TRAF3IP3: variants seen among roughly 807,000 people sequenced by gnomAD.
The protein encoded by TRAF3IP3 is TRAF3-interacting JNK-activating modulator.
In TRAF3IP3, 64 loss-of-function variants were observed where a neutral mutation model predicts 86.5. The observed-to-expected ratio is 0.74, with a 90% confidence interval of 0.60 to 0.91. The LOEUF (loss-of-function observed/expected upper bound fraction) is 0.91, where lower values mean the gene tolerates loss of function less well. Ranked by LOEUF, TRAF3IP3 falls within the 40% of genes least tolerant of loss-of-function variation. The pLI, the probability that TRAF3IP3 is intolerant of heterozygous loss-of-function variation, is 0.00. For missense variants in TRAF3IP3, 579 were observed against 642.9 expected, an observed-to-expected ratio of 0.90 and a Z score of 1.07; for synonymous variants, 220 against 243.9, an observed-to-expected ratio of 0.90 and a Z score of 0.91.
intron 8 of TRAF3IP3, among the ~76,000 whole-genome samples, chr1:209,771,704 T>G (rs2077535467): frequency 7.3e-6 from 1 of 136,720 alleles, no homozygotes; most frequent in African/African-American, 2.8e-5. Context: ...CAGGTGGAGG[T>G]GTATGTGTGC....
intron 7 of TRAF3IP3, 41 bp from the exon 8 acceptor site, chr1:209,763,451 G>A (rs376499875): frequency 2.5e-6 from 4 of 1,613,254 alleles, no homozygotes; most frequent in Middle Eastern, 3.3e-4. Flanking sequence ...CGATCCTCCA[G>A]GTTAATCTTA....
At chr1:209,771,478 T>C (rs1463330424) in intron 8 of TRAF3IP3, among the ~76,000 whole-genome samples, 3 of 140,788 alleles carry the variant, frequency 2.1e-5, no homozygotes, top group Non-Finnish European at 4.6e-5. Context: ...CGTGTGCATA[T>C]GGAGGTGTGC....
intron 8 of TRAF3IP3, among the ~76,000 whole-genome samples, chr1:209,767,691 G>C (rs1050700512): frequency 1.3e-5 from 2 of 151,728 alleles, no homozygotes; most frequent in African/African-American, 4.8e-5. Context: ...AAAAAAAGAG[G>C]GGGGAGGGTT....
chr1:209,766,414 G>A (rs141101214), intron 8 of TRAF3IP3, among the ~76,000 whole-genome samples: 129 of 152,346 alleles, frequency 8.5e-4, no homozygotes, highest in African/African-American at 3.0e-3. Flanking sequence ...TAACTCTTGA[G>A]GAGCTCACAG....
chr1:209,773,766 G>C (rs1429142514), intron 9 of TRAF3IP3, among the ~76,000 whole-genome samples: 1 of 152,172 alleles, frequency 6.6e-6, no homozygotes, highest in East Asian at 1.9e-4. Flanking sequence ...CATTTTTTCA[G>C]TATAACTTGC....
intron 8 of TRAF3IP3, among the ~76,000 whole-genome samples, chr1:209,772,473 GAT>G (rs1407624948): frequency 6.6e-6 from 1 of 152,152 alleles, no homozygotes; most frequent in Admixed American, 6.5e-5. Flanking sequence ...ATGTTGAGGA[GAT>G]ATAAATGAGC....
intron 15 of TRAF3IP3, chr1:209,780,819 G>C (rs1312681421): frequency 2.9e-5 from 10 of 347,274 alleles, no homozygotes; most frequent in Middle Eastern, 7.8e-4. Flanking sequence ...TTTATTAAAT[G>C]ATTACCTTTT....
rs1406368069 is a variant in TRAF3IP3 at position 209,772,864 on chromosome 1, G to A, written c.703-84G>A. 3.4e-6 allele frequency: 4 copies of A among 1,191,962 alleles called. No individual in the cohort carries two copies. In the African/African-American group the frequency reaches 4.6e-5, roughly 14 times the overall value. 73.8% of individuals were successfully genotyped at this position (1,191,962 alleles called of 1,614,324 possible). Reference sequence around the variant, plus strand: ...ACTGTTTGAGCACCAACCATGTGCTGGGCAGTAGAATAGGAATATAGAGTC... The same window carrying A: ...ACTGTTTGAGCACCAACCATGTGCTAGGCAGTAGAATAGGAATATAGAGTC... On this transcript the variant is annotated intron_variant, in intron 8 of 16. Transcript: ENST00000367025.
Position 209,780,553 on chromosome 1 carries a change from C to A in TRAF3IP3, c.1396C>A (p.Leu466Ile). The change falls in exon 15 of 17, where the codon CTC becomes ATC. Residue 466 changes from leucine to isoleucine, a missense_variant. Leu to Ile is a conservative substitution (Grantham distance 5). Coordinates refer to ENST00000367025, the MANE Select transcript of TRAF3IP3 (RefSeq NM_025228.4). ...EGTGKEKDWD[L>I]RDQLQKKTLQ... is the part of the protein sequence containing the mutation. ...TACAGGGAAGGAGAAAGACTGGGAT[C>A]TCAGAGACCAGCTGCAAAAGAAGAC... 1 of 1,600,810 alleles carries A rather than the reference C, an allele frequency of 6.2e-7. No homozygotes were observed. The highest frequency in any genetic ancestry group is 8.5e-7 in the Non-Finnish European group (1 of 1,173,056).
intron 8 of TRAF3IP3, among the ~76,000 whole-genome samples, chr1:209,765,881 T>C (rs1465124915): frequency 6.6e-6 from 1 of 152,236 alleles, no homozygotes; most frequent in Non-Finnish European, 1.5e-5. Flanking sequence ...ACTTTGCTGA[T>C]CCCTTAAAAG....
chr1:209,759,948 C>G, intron 2 of TRAF3IP3, 34 bp from the exon 3 acceptor site: 1 of 1,061,924 alleles, frequency 9.4e-7, no homozygotes, highest in Non-Finnish European at 1.4e-6. Context: ...ATCTTCTGAC[C>G]CCTCCCCTTC....
At chr1:209,769,426 AT>A (rs2077421075) in intron 8 of TRAF3IP3, among the ~76,000 whole-genome samples, 1 of 152,240 alleles carries the variant, frequency 6.6e-6, no homozygotes, top group Admixed American at 6.5e-5. Context: ...TAGATGCCAA[AT>A]CCCTGACTCT....
Position 209,781,463 on chromosome 1 carries a change from G to A in TRAF3IP3, c.1563+5G>A, listed in dbSNP as rs775066158. 70 of 1,605,986 alleles carry A rather than the reference G, an allele frequency of 4.4e-5. No homozygotes were observed. The Admixed American group carries it at 1.0e-3, about 24-fold the overall frequency. ...AGCCAGCAGCTGCCTCCCAGAGTAA[G>A]AGGGTCTCTCCTTCCCATAAAGCCC... is the stretch of plus-strand genomic sequence containing the variant. On this transcript the variant is annotated splice_donor_5th_base_variant and intron_variant, in intron 16 of 16. Coordinates refer to ENST00000367025, the MANE Select transcript of TRAF3IP3 (RefSeq NM_025228.4).
chr1:209,779,482 G>A, intron 14 of TRAF3IP3, 108 bp downstream of exon 14: 3 of 925,540 alleles, frequency 3.2e-6, no homozygotes, highest in Non-Finnish European at 5.3e-6. Context: ...AGTTCTGGGA[G>A]TCTGTTAAGT....
Position 209,770,780 on chromosome 1 carries a change from G to GGT in TRAF3IP3, c.703-2156_703-2155dup, listed in dbSNP as rs200090853. ...GTGGAGGTGTGCGTGTGCCTATGGA[G>GGT]GTGTGTGTGTGTGCATATGGAGGTG... On this transcript the variant is annotated intron_variant, in intron 8 of 16. Coordinates refer to ENST00000367025, the MANE Select transcript of TRAF3IP3 (RefSeq NM_025228.4). Among the ~76,000 whole-genome samples the GGT allele has an allele frequency of 2.1e-3, 238 of 111,648 alleles. 4 individuals are homozygous for GGT. The highest frequency in any genetic ancestry group is 6.1e-3 in the Admixed American group (65 of 10,602). 73.2% of individuals were successfully genotyped at this position (111,648 alleles called of 152,430 possible). A position where few individuals can be genotyped will look rare whatever the true frequency, so the allele number is the denominator to read the frequency against.
chr1:209,766,640 G>A (rs1312643836), intron 8 of TRAF3IP3, among the ~76,000 whole-genome samples: 1 of 152,230 alleles, frequency 6.6e-6, no homozygotes, highest in East Asian at 1.9e-4. Flanking sequence ...AAGGCAGGTG[G>A]ACCACTTGAG....
intron 10 of TRAF3IP3, 27 bp downstream of exon 10, chr1:209,775,516 G>T: frequency 6.2e-7 from 1 of 1,614,212 alleles, no homozygotes; most frequent in Non-Finnish European, 8.5e-7. Flanking sequence ...TAGACATGGG[G>T]CTGGGGACTC....
intron 8 of TRAF3IP3, among the ~76,000 whole-genome samples, chr1:209,771,430 TGTGTGCATGTGGAG>T (rs1451192829): frequency 3.4e-5 from 4 of 117,538 alleles, no homozygotes; most frequent in African/African-American, 3.9e-5. Flanking sequence ...CAGGTGGAGG[TGTGTGCATGTGGAG>T]GTGTGTGTGC....
chr1:209,762,786 T>C, intron 4 of TRAF3IP3, 27 bp from the exon 5 acceptor site: 1 of 1,477,318 alleles, frequency 6.8e-7, no homozygotes, highest in African/African-American at 2.5e-5. Context: ...CTGTAAGTTC[T>C]AAATCAACTT....
Sources: gnomAD v4.1 joint callset for allele counts (sites outside exome capture counted in the v4.1 genomes callset) on GRCh38, gnomAD v4.1.1 for gene constraint, MANE v1.5 for transcripts, NCBI Gene and HGNC (gene_info 2026-07-23, HGNC 2026-07-21) for gene names.